CPNE8: variants seen among roughly 807,000 people sequenced by gnomAD.
CPNE8 encodes copine-8.
CPNE8 carries 45 observed loss-of-function variants against 81.5 expected under a neutral mutation model. The ratio of observed to expected loss-of-function variants is 0.55; its 90% CI spans 0.44 to 0.71. The LOEUF (loss-of-function observed/expected upper bound fraction) is 0.71, where lower values mean the gene tolerates loss of function less well. Among genes scored for constraint, CPNE8 ranks in the 30% least tolerant of loss-of-function variants. The pLI is 0.00. For synonymous variants in CPNE8, 252 were observed against 226.3 expected, an observed-to-expected ratio of 1.11 and a Z score of -1.02; for missense variants, 594 against 672.1, an observed-to-expected ratio of 0.88 and a Z score of 1.28.
intron 13 of CPNE8, among the ~76,000 whole-genome samples, chr12:38,716,998 A>C (rs1448312336): frequency 1.3e-5 from 2 of 152,132 alleles, no homozygotes; most frequent in Non-Finnish European, 2.9e-5. Flanking sequence ...CACTGTTCTC[A>C]AAATAAGATA....
intron 6 of CPNE8, among the ~76,000 whole-genome samples, chr12:38,786,576 T>G (rs576547363): frequency 3.1e-4 from 47 of 152,260 alleles, no homozygotes; most frequent in African/African-American, 1.1e-3. Flanking sequence ...TATGGGACTT[T>G]GTGATCGTGT....
intron 6 of CPNE8, among the ~76,000 whole-genome samples, chr12:38,785,153 A>T (rs909217102): frequency 6.6e-6 from 1 of 150,422 alleles, no homozygotes; most frequent in African/African-American, 2.5e-5. Flanking sequence ...GTGCCACTGC[A>T]CTCCAGCCTG....
intron 4 of CPNE8, among the ~76,000 whole-genome samples, chr12:38,843,645 C>T (rs57995173): frequency 0.023 from 3,537 of 152,176 alleles, 135 homozygotes; most frequent in African/African-American, 0.081. Flanking sequence ...CTAGAAAGTG[C>T]TTTCTGAGTG....
chr12:38,823,292 C>A (rs1419966167), intron 6 of CPNE8, among the ~76,000 whole-genome samples: 1 of 152,192 alleles, frequency 6.6e-6, no homozygotes. Context: ...CTGTCTGTCT[C>A]TGTCCTTGAA....
At chr12:38,731,370 A>G (rs1940827613) in intron 10 of CPNE8, among the ~76,000 whole-genome samples, 1 of 151,960 alleles carries the variant, frequency 6.6e-6, no homozygotes, top group Non-Finnish European at 1.5e-5. Context: ...CCTTGCAATC[A>G]GTAACAAGCA....
chr12:38,697,089 T>G (rs1412544624), intron 14 of CPNE8, among the ~76,000 whole-genome samples: 1 of 152,136 alleles, frequency 6.6e-6, no homozygotes, highest in Non-Finnish European at 1.5e-5. Flanking sequence ...ATTCAATGAT[T>G]GTTACTATAT....
At chr12:38,705,301 A>C (rs1437533573) in intron 13 of CPNE8, among the ~76,000 whole-genome samples, 2 of 152,104 alleles carry the variant, frequency 1.3e-5, no homozygotes, top group Admixed American at 6.6e-5. Context: ...TAGTCCTCTT[A>C]GTAAAAACTA....
chr12:38,749,187 A>C (rs1358861067), intron 10 of CPNE8, among the ~76,000 whole-genome samples: 1 of 152,168 alleles, frequency 6.6e-6, no homozygotes, highest in Non-Finnish European at 1.5e-5. Flanking sequence ...GTCTCCCTGC[A>C]CAAGTTACCT....
intron 18 of CPNE8, among the ~76,000 whole-genome samples, chr12:38,673,228 G>A (rs1216401310): frequency 1.3e-5 from 2 of 152,106 alleles, no homozygotes; most frequent in African/African-American, 2.4e-5. Flanking sequence ...AGTTTTCTGA[G>A]GCCTTCCCAG....
At chr12:38,673,168 C>T (rs1429722223) in intron 18 of CPNE8, among the ~76,000 whole-genome samples, 1 of 152,190 alleles carries the variant, frequency 6.6e-6, no homozygotes, top group African/African-American at 2.4e-5. Context: ...CTCTCTCTCT[C>T]TCCTGCCACC....
chr12:38,685,157 A>G (rs894200798), intron 16 of CPNE8, among the ~76,000 whole-genome samples: 5 of 152,240 alleles, frequency 3.3e-5, no homozygotes, highest in South Asian at 2.1e-4. Flanking sequence ...GTGATATTAG[A>G]TAAGAATGAT....
intron 5 of CPNE8, among the ~76,000 whole-genome samples, chr12:38,830,103 C>A (rs528178201): frequency 1.3e-5 from 2 of 152,072 alleles, no homozygotes; most frequent in Non-Finnish European, 2.9e-5. Context: ...TATACTATAA[C>A]GTTCATTAAC....
At chr12:38,736,805 AAC>A (rs1940965149) in intron 10 of CPNE8, among the ~76,000 whole-genome samples, 1 of 152,082 alleles carries the variant, frequency 6.6e-6, no homozygotes, top group Non-Finnish European at 1.5e-5. Context: ...TTTACCTAGC[AAC>A]AGTTTCACAA....
At chr12:38,784,374 A>G (rs1377019692) in intron 6 of CPNE8, among the ~76,000 whole-genome samples, 2 of 152,188 alleles carry the variant, frequency 1.3e-5, no homozygotes, top group Admixed American at 1.3e-4. Flanking sequence ...GGATCTAGAA[A>G]AAAGCCCCCA....
In CPNE8 at chr12:38,653,331, C is replaced by T. The variant is rs1478569312; in HGVS notation, c.*551G>A. 6.6e-6 allele frequency: 1 copy of T among 152,544 alleles called. No homozygotes were observed. Among genetic ancestry groups the T allele is most frequent in the Non-Finnish European group, 1.5e-5 (1 of 67,986 alleles). The allele number at this position is 152,544 out of a possible 1,614,324, so 9.4% of individuals were successfully genotyped here. On this transcript the variant is annotated 3_prime_UTR_variant, in exon 20 of 20. Transcript: ENST00000331366. ...ATCCAGTTACTGAAAAATAGAAAAG[C>T]ATTTTTCCCTTCCCTTATTTGCAAT...
chr12:38,769,333 T>A (rs1941752616), intron 7 of CPNE8, among the ~76,000 whole-genome samples: 1 of 152,200 alleles, frequency 6.6e-6, no homozygotes, highest in East Asian at 1.9e-4. Flanking sequence ...AAGGACAATA[T>A]GGACATCACT....
chr12:38,654,148 C>T, intron 19 of CPNE8, 78 bp from the exon 20 acceptor site: 1 of 1,442,250 alleles, frequency 6.9e-7, no homozygotes, highest in Non-Finnish European at 9.1e-7. Flanking sequence ...AACACATGTA[C>T]ACATTTGGTC....
intron 10 of CPNE8, among the ~76,000 whole-genome samples, chr12:38,754,751 A>C (rs1487221864): frequency 6.6e-6 from 1 of 152,114 alleles, no homozygotes; most frequent in Non-Finnish European, 1.5e-5. Flanking sequence ...AGCAGCTGGA[A>C]GACTAGATAT....
chr12:38,803,496 T>G (rs1187189052), intron 6 of CPNE8, among the ~76,000 whole-genome samples: 4 of 149,838 alleles, frequency 2.7e-5, no homozygotes, highest in Admixed American at 6.7e-5. Flanking sequence ...TAGGTATTGA[T>G]GGGACGTATT....
Sources: allele counts gnomAD v4.1 joint callset (sites outside exome capture counted in the v4.1 genomes callset), GRCh38; gene constraint gnomAD v4.1.1; transcripts MANE v1.5; gene names NCBI Gene and HGNC (gene_info 2026-07-23, HGNC 2026-07-21).